The following WDR33 variants were observed in gnomAD, a reference collection of about 807,000 sequenced individuals.
WDR33 encodes pre-mRNA 3' end processing protein WDR33.
A neutral mutation model predicts 164.9 loss-of-function variants in WDR33; 47 were observed. The observed-to-expected ratio is 0.29, with a 90% confidence interval of 0.23 to 0.36. The LOEUF is 0.36. WDR33 is among the 10% of genes least tolerant of loss of function. The pLI is 1.00. For missense variants in WDR33, 1,137 were observed against 1,754.1 expected (o/e 0.65, Z 6.28); for synonymous variants, 505 against 589.0 (o/e 0.86, Z 2.06).
intron 1 of WDR33, among the ~76,000 whole-genome samples, chr2:127,786,460 A>G (rs1321577236): frequency 6.6e-6 from 1 of 152,200 alleles, no homozygotes; most frequent in Non-Finnish European, 1.5e-5. Context: ...AGGCAGACGG[A>G]TCACTTGAGG....
intron 21 of WDR33, among the ~76,000 whole-genome samples, chr2:127,707,266 G>GA (rs956421973): frequency 6.7e-6 from 1 of 150,106 alleles, no homozygotes; most frequent in African/African-American, 2.4e-5. Context: ...AAAGGAAAAG[G>GA]AAAAAAAATT....
At position 127,724,192 on chromosome 2, in the gene WDR33, T is replaced by C. The variant is rs1016238253; in HGVS notation, c.1196+141A>G. The C allele has an allele frequency of 1.6e-6, 1 of 635,846 alleles. No homozygotes were observed. Among genetic ancestry groups the C allele is most frequent in the African/African-American group, 1.9e-5 (1 of 53,334 alleles). The allele number at this position is 635,846 out of a possible 1,614,324, so 39.4% of individuals were successfully genotyped here. On this transcript the variant is annotated intron_variant, in intron 11 of 21. Transcript: ENST00000322313. This position sits in a 1 kb window ranked among gnomAD's most constrained non-coding sequence, Gnocchi z 4.8. ...CAATCTCTTTATTGCAATATAAGTA[T>C]TTGTAAACCACTACAAAAATATTCC...
chr2:127,764,055 T>C lies in WDR33; in HGVS notation c.626+773A>G. Reference sequence around the variant, plus strand: ...ACATGGGTGGCACAACCTTAAAGAATGCTGCTTAGCTTTATTCTGAGGCTG... The same window carrying C: ...ACATGGGTGGCACAACCTTAAAGAACGCTGCTTAGCTTTATTCTGAGGCTG... On this transcript the variant is annotated intron_variant, in intron 6 of 21. Coordinates refer to ENST00000322313, the MANE Select transcript of WDR33 (RefSeq NM_018383.5). This position sits in a 1 kb window ranked among gnomAD's most constrained non-coding sequence, Gnocchi z 6.2. 1 of 986,954 alleles carries C rather than the reference T, an allele frequency of 1.0e-6. No individual in the cohort carries two copies. Among genetic ancestry groups the C allele is most frequent in the African/African-American group, 1.7e-5 (1 of 57,386 alleles). The allele number at this position is 986,954 out of a possible 1,614,324, so 61.1% of individuals were successfully genotyped here. A position where few individuals can be genotyped will look rare whatever the true frequency, so the allele number is the denominator to read the frequency against.
chr2:127,788,141 C>T (rs1242834911), intron 1 of WDR33, among the ~76,000 whole-genome samples: 4 of 90,234 alleles, frequency 4.4e-5, no homozygotes, highest in Admixed American at 9.7e-5. Context: ...CCAGTAGGGG[C>T]GGCCGGGCAG....
chr2:127,716,648 C>G lies in WDR33; in HGVS notation c.2869+507G>C, dbSNP rs1467687821. Among the ~76,000 whole-genome samples, 4 of 152,238 alleles carry G rather than the reference C, an allele frequency of 2.6e-5. No homozygotes were observed. The highest frequency in any genetic ancestry group is 5.9e-5 in the Non-Finnish European group (4 of 68,042). ...ACATCTAAATACTAATCATTCTCAT[C>G]TCTTTCCTTTTCATATCAACAACCT... On this transcript the variant is annotated intron_variant, in intron 17 of 21. Transcript: ENST00000322313. This position sits in a 1 kb window ranked among gnomAD's most constrained non-coding sequence, Gnocchi z 4.5.
chr2:127,756,151 T>C (rs1050711023), intron 7 of WDR33, among the ~76,000 whole-genome samples: 3 of 152,102 alleles, frequency 2.0e-5, no homozygotes, highest in East Asian at 3.9e-4. Flanking sequence ...CTGGCTGACA[T>C]GGTGAAACGC....
intron 4 of WDR33, among the ~76,000 whole-genome samples, chr2:127,765,529 A>C (rs1285229552): frequency 6.6e-6 from 1 of 152,182 alleles, no homozygotes; most frequent in Non-Finnish European, 1.5e-5. Context: ...TCACTAAATT[A>C]CACACACGTA....
In WDR33 at chr2:127,713,954, G is replaced by T; in HGVS notation, c.2937C>A (p.Gly979=). 6.3e-7 allele frequency: 1 copy of T among 1,587,550 alleles called. No individual in the cohort carries two copies. ...CCCTCTCGGGCCCATGCTCAGGCCC[G>T]CCGCTCTGCTCATGCCGCCTCTCTG... ...PMSERRHEQS[G]GPEHGPERGP... Residue 979 remains glycine, a synonymous_variant, in exon 18 of 22, where the codon GGC becomes GGA. Transcript: ENST00000322313. The surrounding 1 kb of genome is among the most constrained non-coding windows in gnomAD (Gnocchi z 6.2).
chr2:127,768,736 T>C (rs1302900993), intron 3 of WDR33, among the ~76,000 whole-genome samples, 197 bp downstream of exon 3: 1 of 152,168 alleles, frequency 6.6e-6, no homozygotes, highest in Non-Finnish European at 1.5e-5. Context: ...CATCATTAGA[T>C]TAAAAGGAAA....
Position 127,711,658 on chromosome 2 carries a change from C to T in WDR33, c.3309-1802G>A, listed in dbSNP as rs959909473. 5.4e-5 allele frequency among the ~76,000 whole-genome samples: 8 copies of T among 148,294 alleles called. No homozygotes were observed. The South Asian group carries it at 8.5e-4, about 16-fold the overall frequency. Reference sequence around the variant, plus strand: ...CCCAAAACAATTGCTTCCTTAGCCCCGACTATGTCATGCTTCTGAGCCTGT... The same window carrying T: ...CCCAAAACAATTGCTTCCTTAGCCCTGACTATGTCATGCTTCTGAGCCTGT... On this transcript the variant is annotated intron_variant, in intron 18 of 21. Coordinates refer to ENST00000322313, the MANE Select transcript of WDR33 (RefSeq NM_018383.5).
intron 1 of WDR33, among the ~76,000 whole-genome samples, chr2:127,777,968 T>G (rs1204362409): frequency 2.6e-5 from 4 of 152,098 alleles, no homozygotes; most frequent in Admixed American, 2.6e-4. Flanking sequence ...ATCTTAGTCA[T>G]GTGATGATAC....
chr2:127,734,932 G>T (rs1372447428), intron 7 of WDR33, among the ~76,000 whole-genome samples: 1 of 152,026 alleles, frequency 6.6e-6, no homozygotes, highest in East Asian at 1.9e-4. Context: ...TTTTCCTAAT[G>T]AAAAAAATGC....
chr2:127,758,626 G>A (rs767887452), intron 7 of WDR33, among the ~76,000 whole-genome samples: 12 of 152,150 alleles, frequency 7.9e-5, no homozygotes. Flanking sequence ...CTCTTTATGA[G>A]TATAATGGGG....
chr2:127,744,622 C>T (rs1407363371), intron 7 of WDR33, among the ~76,000 whole-genome samples: 1 of 152,142 alleles, frequency 6.6e-6, no homozygotes, highest in African/African-American at 2.4e-5. Context: ...AGGGGAAAGA[C>T]GTTGACTTTT....
rs114007585 is a variant in WDR33, at chr2:127,746,761, A to C, written c.724+16301T>G. On this transcript the variant is annotated intron_variant, in intron 7 of 21. Transcript: ENST00000322313. The stretch of plus-strand genomic sequence containing the variant: ...TTTGGAGCAGCTAAAGAGGAGGTTT[A>C]ACAACATTAATAATTTCTTCTTTGT... Among the ~76,000 whole-genome samples, 567 of 152,376 alleles carry C rather than the reference A, an allele frequency of 3.7e-3. 4 individuals carry two copies. Among genetic ancestry groups the C allele is most frequent in the African/African-American group, 0.013 (533 of 41,590 alleles).
chr2:127,758,410 GTTTA>G (rs1420262780), intron 7 of WDR33, among the ~76,000 whole-genome samples: 2 of 152,224 alleles, frequency 1.3e-5, no homozygotes, highest in African/African-American at 4.8e-5. Flanking sequence ...CCTCTGACAG[GTTTA>G]TTTAACTTTT....
intron 4 of WDR33, among the ~76,000 whole-genome samples, chr2:127,765,794 T>A (rs13407260): frequency 0.023 from 3,150 of 135,778 alleles, 115 homozygotes; most frequent in African/African-American, 0.081. Flanking sequence ...TAAACATATT[T>A]AAAAAAAAAA....
intron 7 of WDR33, among the ~76,000 whole-genome samples, chr2:127,742,326 G>C (rs1332599180): frequency 3.3e-5 from 5 of 152,062 alleles, no homozygotes; most frequent in South Asian, 2.1e-4. Flanking sequence ...TCAGGAGTTT[G>C]AGAACAGACT....
chr2:127,705,773 A>C lies in WDR33; in HGVS notation c.*550T>G, dbSNP rs1024972394. On this transcript the variant is annotated 3_prime_UTR_variant, in exon 22 of 22. Coordinates refer to ENST00000322313, the MANE Select transcript of WDR33 (RefSeq NM_018383.5). This position sits in a 1 kb window ranked among gnomAD's most constrained non-coding sequence, Gnocchi z 4.5. ...ATGGTGTGACAGAATGTGTTGAAAA[A>C]CACAAAGTTCACAGCTGAGATTAAT... 1 of 152,350 alleles carries C rather than the reference A, an allele frequency of 6.6e-6. No individual in the cohort carries two copies. The highest frequency in any genetic ancestry group is 1.5e-5 in the Non-Finnish European group (1 of 68,124). The allele number at this position is 152,350 out of a possible 1,614,324, so 9.4% of individuals were successfully genotyped here. A position where few individuals can be genotyped will look rare whatever the true frequency, so the allele number is the denominator to read the frequency against.
Sources: allele counts gnomAD v4.1 joint callset (sites outside exome capture counted in the v4.1 genomes callset), GRCh38; gene constraint gnomAD v4.1.1; non-coding constraint Gnocchi (gnomAD v3.1); transcripts MANE v1.5; gene names NCBI Gene and HGNC (gene_info 2026-07-23, HGNC 2026-07-21).